PML: variants seen among roughly 807,000 people sequenced by gnomAD.
The protein encoded by PML is protein PML.
Under a neutral mutation model 65.2 loss-of-function variants are expected in PML, and 28 were observed. The observed-to-expected ratio is 0.43, with a 90% CI of 0.32 to 0.59. The LOEUF is 0.59. Ranked by LOEUF, PML falls within the 20% of genes least tolerant of loss-of-function variation. The pLI is 0.08. For synonymous variants in PML, 500 were observed against 508.8 expected, an observed-to-expected ratio of 0.98 and a Z score of 0.23; for missense variants, 1,021 against 1,203.4, an observed-to-expected ratio of 0.85 and a Z score of 2.24.
rs1220177748 is a variant in PML at position 74,043,811 on chromosome 15, G to T, written c.1862-410G>T. 1.3e-5 allele frequency: 7 copies of T among 533,216 alleles called. No individual in the cohort carries two copies. Among genetic ancestry groups the T allele is most frequent in the African/African-American group, 9.5e-5 (5 of 52,562 alleles). The allele number at this position is 533,216 out of a possible 1,614,324, so 33.0% of individuals were successfully genotyped here. The stretch of plus-strand genomic sequence containing the variant: ...AGTGGAGTGCTTTCTATGTCCCAGG[G>T]CTCTGACTGGGCTGGGGTCCTTGAG... On this transcript the variant is annotated intron_variant, in intron 8 of 8. Transcript: ENST00000268058. The surrounding 1 kb of genome is among the most constrained non-coding windows in gnomAD (Gnocchi z 4.3).
chr15:74,031,289 G>C, intron 4 of PML: 1 of 442,240 alleles, frequency 2.3e-6, no homozygotes, highest in South Asian at 1.6e-5. Context: ...TATTATTAGT[G>C]TTTGAGACAG....
At chr15:74,019,927 T>C (rs757941303) in intron 2 of PML, among the ~76,000 whole-genome samples, 12 of 152,232 alleles carry the variant, frequency 7.9e-5, no homozygotes, top group Non-Finnish European at 1.3e-4. Context: ...CTAATTGCCT[T>C]GTGAGGGACA....
chr15:74,037,463 C>CTA lies in PML; in HGVS notation c.1710+2934_1710+2935dup, dbSNP rs1244303213. On this transcript the variant is annotated intron_variant, in intron 7 of 8. Transcript: ENST00000268058. This position sits in a 1 kb window ranked among gnomAD's most constrained non-coding sequence, Gnocchi z 4.2. Reference sequence around the variant, plus strand: ...TCTAATGTATCCACTGCCTTCTGAACTAAACACCCTGAATGAGGTCTTTCT... The same window carrying CTA: ...TCTAATGTATCCACTGCCTTCTGAACTATAAACACCCTGAATGAGGTCTTTCT... 1.2e-5 allele frequency: 12 copies of CTA among 985,282 alleles called. No homozygotes were observed. The highest frequency in any genetic ancestry group is 1.4e-5 in the Non-Finnish European group (12 of 829,930). 61.0% of individuals were successfully genotyped at this position (985,282 alleles called of 1,614,324 possible). A position where few individuals can be genotyped will look rare whatever the true frequency, so the allele number is the denominator to read the frequency against.
intron 2 of PML, among the ~76,000 whole-genome samples, chr15:74,022,420 G>T (rs2070881895): frequency 6.6e-6 from 1 of 152,196 alleles, no homozygotes; most frequent in African/African-American, 2.4e-5. Context: ...TGGCTGACAT[G>T]TGTCAAGTCT....
rs756195098 is a variant in PML, at chr15:74,045,010, A to G, written c.*2A>G. 12 of 1,594,814 alleles carry G rather than the reference A, an allele frequency of 7.5e-6. No homozygotes were observed. The highest frequency in any genetic ancestry group is 4.0e-5 in the African/African-American group (3 of 74,620). ...GAGAGGGCCTCCCAGCAGAGCTGAG[A>G]GGAGGGGGTGACCAGCTTGGAGTCT... On this transcript the variant is annotated 3_prime_UTR_variant, in exon 9 of 9. Transcript: ENST00000268058.
intron 7 of PML, among the ~76,000 whole-genome samples, chr15:74,036,833 G>A (rs540486743): frequency 5.3e-5 from 8 of 152,210 alleles, no homozygotes; most frequent in East Asian, 3.9e-4. Flanking sequence ...TGCCTGCCCC[G>A]TGGCCGTGCC....
chr15:73,996,498 G>A (rs1595873390), intron 1 of PML, among the ~76,000 whole-genome samples: 1 of 152,362 alleles, frequency 6.6e-6, no homozygotes, highest in East Asian at 1.9e-4. Context: ...GAGGAGAGGA[G>A]CTGTTTGGTG....
At chr15:74,038,044 C>T (rs1326339695) in intron 7 of PML, among the ~76,000 whole-genome samples, 1 of 152,266 alleles carries the variant, frequency 6.6e-6, no homozygotes, top group Non-Finnish European at 1.5e-5. Context: ...CATAGCCACC[C>T]AGGGCACCCC....
chr15:74,023,637 C>T (rs1334609363), intron 3 of PML, among the ~76,000 whole-genome samples: 1 of 152,174 alleles, frequency 6.6e-6, no homozygotes. Flanking sequence ...TTACAAGACT[C>T]TGTGGATTGA....
chr15:74,030,221 C>T (rs1217372457), intron 4 of PML, among the ~76,000 whole-genome samples: 1 of 152,176 alleles, frequency 6.6e-6, no homozygotes, highest in African/African-American at 2.4e-5. Flanking sequence ...CTGCCACTCA[C>T]TCATTTTCAA....
In PML at chr15:74,043,271, C is replaced by G. The variant is rs2071733267; in HGVS notation, c.1861+132C>G. The G allele has an allele frequency of 6.4e-7, 1 of 1,566,114 alleles. No homozygotes were observed. Among genetic ancestry groups the G allele is most frequent in the Non-Finnish European group, 8.6e-7 (1 of 1,158,838 alleles). On this transcript the variant is annotated intron_variant, in intron 8 of 8. Coordinates refer to ENST00000268058, the MANE Select transcript of PML (RefSeq NM_033238.3). The surrounding 1 kb of genome is among the most constrained non-coding windows in gnomAD (Gnocchi z 4.3). ...GGCCAACAACTGCAGCCAGGCTGGG[C>G]AGAGCACTCCGGCTCACCTGGGCTC... is the stretch of plus-strand genomic sequence containing the variant.
chr15:74,035,014 C>G lies in PML; in HGVS notation c.1710+484C>G, dbSNP rs780535513. 191 of 1,525,804 alleles carry G rather than the reference C, an allele frequency of 1.3e-4. 1 individual carries two copies. The highest frequency in any genetic ancestry group is 1.4e-4 in the Non-Finnish European group (156 of 1,132,068). The allele number at this position is 1,525,804 out of a possible 1,614,324, so 94.5% of individuals were successfully genotyped here. A position where few individuals can be genotyped will look rare whatever the true frequency, so the allele number is the denominator to read the frequency against. Reference sequence around the variant, plus strand: ...ATCCATTCCACAGTGAAACAGGTGGCCTCGTGGGTAGTGACCCTTCTGTCC... The same window carrying G: ...ATCCATTCCACAGTGAAACAGGTGGGCTCGTGGGTAGTGACCCTTCTGTCC... On this transcript the variant is annotated intron_variant, in intron 7 of 8. Coordinates refer to ENST00000268058, the MANE Select transcript of PML (RefSeq NM_033238.3). This position sits in a 1 kb window ranked among gnomAD's most constrained non-coding sequence, Gnocchi z 4.1.
chr15:74,034,485 CGTT>C lies in PML; in HGVS notation c.1668_1670del (p.Val558del). ...TCCCCTTCCCCGTTTCAGAGGAACG[CGTT>C]GTGGTGATCAGCAGCTCGGAAGACT... On this transcript the variant is annotated inframe_deletion, in exon 7 of 9. Transcript: ENST00000268058. 1.2e-6 allele frequency: 2 copies of C among 1,614,156 alleles called. No homozygotes were observed. Among genetic ancestry groups the C allele is most frequent in the South Asian group, 2.2e-5 (2 of 91,082 alleles).
At chr15:74,002,389 TTGTG>T (rs34664992) in intron 2 of PML, among the ~76,000 whole-genome samples, 2 of 146,102 alleles carry the variant, frequency 1.4e-5, no homozygotes, top group African/African-American at 5.0e-5. Flanking sequence ...GTTCTAGTGC[TTGTG>T]TGTGTGTGTG....
intron 2 of PML, among the ~76,000 whole-genome samples, chr15:74,000,808 G>A (rs1567117358): frequency 6.6e-6 from 1 of 151,908 alleles, no homozygotes; most frequent in East Asian, 1.9e-4. Flanking sequence ...AGATACTGAG[G>A]GCCAACTGTA....
intron 8 of PML, 49 bp from the exon 9 acceptor site, chr15:74,044,172 G>T: frequency 6.3e-7 from 1 of 1,599,110 alleles, no homozygotes. Context: ...TCCCACCCCA[G>T]AGCTCTCTGT....
At chr15:73,996,250 G>C (rs28701093) in intron 1 of PML, among the ~76,000 whole-genome samples, 2,082 of 152,284 alleles carry the variant, frequency 0.014, 46 homozygotes, top group African/African-American at 0.048. Flanking sequence ...AAGATGGCTT[G>C]CCTCCACCCT....
rs1267526518 is a variant in PML at position 73,998,412 on chromosome 15, G to A, written c.538G>A (p.Gly180Ser). Residue 180 changes from glycine to serine, a missense_variant, in exon 2 of 9, where the codon GGC becomes AGC. Transcript: ENST00000268058. ...RNQSVREFLD[G>S]TRKTNNIFCS... is the part of the protein sequence containing the mutation. Reference sequence around the variant, plus strand: ...CCAGTCGGTGCGTGAGTTCCTGGACGGCACCCGCAAGACCAACAACATCTT... The same window carrying A: ...CCAGTCGGTGCGTGAGTTCCTGGACAGCACCCGCAAGACCAACAACATCTT... The A allele has an allele frequency of 1.9e-6, 3 of 1,613,866 alleles. No homozygotes were observed. Among genetic ancestry groups the A allele is most frequent in the Admixed American group, 1.7e-5 (1 of 59,998 alleles).
At chr15:74,002,962 C>CA (rs1025077529) in intron 2 of PML, among the ~76,000 whole-genome samples, 5 of 151,798 alleles carry the variant, frequency 3.3e-5, no homozygotes, top group African/African-American at 9.7e-5. Context: ...CCCGTCTCTA[C>CA]AAAAAAATAC....
Sources: gnomAD v4.1 joint callset for allele counts (sites outside exome capture counted in the v4.1 genomes callset) on GRCh38, gnomAD v4.1.1 for gene constraint, Gnocchi (gnomAD v3.1) non-coding constraint, MANE v1.5 for transcripts, NCBI Gene and HGNC (gene_info 2026-07-23, HGNC 2026-07-21) for gene names.